Variants in DAB2 observed in about 807,000 individuals in gnomAD.
The protein encoded by DAB2 is disabled homolog 2.
In DAB2, 28 loss-of-function variants were observed where a neutral mutation model predicts 71.6. The observed-to-expected ratio is 0.39, with a 90% confidence interval of 0.29 to 0.54. The LOEUF is 0.54. Ranked by LOEUF, DAB2 falls within the 20% of genes least tolerant of loss-of-function variation. DAB2 has a pLI of 0.68. For missense variants in DAB2, 867 were observed against 928.8 expected (o/e 0.93, Z 0.86); for synonymous variants, 345 against 339.7 (o/e 1.02, Z -0.17).
In DAB2 at chr5:39,383,073, G is replaced by A. The variant is rs79344176; in HGVS notation, c.886C>T (p.Arg296Cys). Reference sequence around the variant, plus strand: ...TCTGGCTGTGTGAAAGGATCGTCACGGAAAGGATCAGGATTAGGGGTGGGA... The same window carrying A: ...TCTGGCTGTGTGAAAGGATCGTCACAGAAAGGATCAGGATTAGGGGTGGGA... ...FFPTPNPDPF[R>C]DDPFTQPDQS... is the part of the protein sequence containing the mutation. Residue 296 changes from arginine to cysteine, a missense_variant, in exon 10 of 15, where the codon CGT becomes TGT. Transcript: ENST00000320816. 1.4e-3 allele frequency: 2,188 copies of A among 1,614,080 alleles called. 23 individuals are homozygous for A. The African/African-American group carries it at 0.018, about 13-fold the overall frequency.
At chr5:39,382,497 A>C in intron 10 of DAB2, 121 bp downstream of exon 10, 4 of 1,120,226 alleles carry the variant, frequency 3.6e-6, no homozygotes, top group Non-Finnish European at 5.1e-6. Context: ...GCCTTATCCC[A>C]CCTTCTATTT....
At chr5:39,396,192 C>T (rs1342060983) in intron 1 of DAB2, among the ~76,000 whole-genome samples, 2 of 152,028 alleles carry the variant, frequency 1.3e-5, no homozygotes. Flanking sequence ...TGTGATCCGC[C>T]TGACTCAGCC....
At position 39,383,183 on chromosome 5, in the gene DAB2, C is replaced by T. The variant is rs1264696608; in HGVS notation, c.776G>A (p.Gly259Asp). ...SLRENPFLTNGITSCSLPRPT... is the reference protein window; with the variant it reads ...SLRENPFLTNDITSCSLPRPT... ...TCGAGGAAGAGAACAGGAGGTGATGCCGTTTGTTAAGAATGGATTTTCTCT... is the reference window on the plus strand; with the variant it reads ...TCGAGGAAGAGAACAGGAGGTGATGTCGTTTGTTAAGAATGGATTTTCTCT... Residue 259 changes from glycine to aspartate, a missense_variant, in exon 10 of 15, where the codon GGC (glycine) becomes GAC (aspartate). Physicochemically the swap from Gly to Asp is moderately conservative, Grantham distance 94 (BLOSUM62 -1). This residue lies in a region of DAB2 where 740 missense variants were observed against 734.3 expected (regional missense o/e 1.01). Transcript: ENST00000320816. 2 of 1,613,870 alleles carry T rather than the reference C, an allele frequency of 1.2e-6. No homozygotes were observed. The highest frequency in any genetic ancestry group is 3.3e-5 in the Admixed American group (2 of 59,988).
chr5:39,391,865 G>A (rs919286789), intron 4 of DAB2, among the ~76,000 whole-genome samples: 1 of 151,420 alleles, frequency 6.6e-6, no homozygotes, highest in African/African-American at 2.4e-5. Flanking sequence ...TTATGGGTGA[G>A]GTTCTAGCTT....
intron 12 of DAB2, 36 bp from the exon 13 acceptor site, chr5:39,376,142 G>T (rs766964386): frequency 6.5e-7 from 1 of 1,544,430 alleles, no homozygotes; most frequent in South Asian, 1.1e-5. Flanking sequence ...CAGTAGACAA[G>T]CTTTCCCCAA....
In DAB2 at chr5:39,385,632, A is replaced by G. The variant is rs1212051090; in HGVS notation, c.688-2361T>C. On this transcript the variant is annotated intron_variant, in intron 9 of 14. Coordinates refer to ENST00000320816, the MANE Select transcript of DAB2 (RefSeq NM_001343.4). ...CACCTGAGCCGCACGCACTGGAGAC[A>G]CGGCAGTGCGTTACAGAACCTGCTC... is the stretch of plus-strand genomic sequence containing the variant. 2.6e-5 allele frequency among the ~76,000 whole-genome samples: 4 copies of G among 152,176 alleles called. No individual in the cohort carries two copies. In the East Asian group the frequency reaches 7.7e-4, roughly 29 times the overall value.
At chr5:39,412,244 T>C (rs531978607) in intron 1 of DAB2, among the ~76,000 whole-genome samples, 1 of 152,194 alleles carries the variant, frequency 6.6e-6, no homozygotes, top group African/African-American at 2.4e-5. Flanking sequence ...TGTGAAACCA[T>C]GATTATGACA....
At chr5:39,378,565 C>T (rs990863973) in intron 11 of DAB2, among the ~76,000 whole-genome samples, 26 of 152,204 alleles carry the variant, frequency 1.7e-4, no homozygotes, top group Non-Finnish European at 7.3e-5. Context: ...TTACCTGACT[C>T]CATTCTCATC....
Position 39,381,489 on chromosome 5 carries a change from C to G in DAB2, c.1469G>C (p.Ser490Thr). ...QPNPLDLFKT[S>T]APAPVGPLVG... ...CAGGGGCCCCACTGGGGCAGGAGCA[C>G]TTGTTTTGAAGAGATCCAGAGGGTT... is the stretch of plus-strand genomic sequence containing the variant. The change falls in exon 11 of 15, where the codon AGT becomes ACT. Residue 490 changes from serine (S) to threonine (T), a missense_variant. By Grantham distance (58) the Ser-to-Thr change is moderately conservative (BLOSUM62 1). This residue lies in a region of DAB2 where 740 missense variants were observed against 734.3 expected (regional missense o/e 1.01). Transcript: ENST00000320816. 7 of 1,614,046 alleles carry G rather than the reference C, an allele frequency of 4.3e-6. No homozygotes were observed. Among genetic ancestry groups the G allele is most frequent in the Non-Finnish European group, 5.9e-6 (7 of 1,179,962 alleles).
intron 11 of DAB2, among the ~76,000 whole-genome samples, chr5:39,379,964 T>C (rs575088694): frequency 1.3e-5 from 2 of 152,222 alleles, no homozygotes; most frequent in Non-Finnish European, 1.5e-5. Context: ...TAAACAGTTA[T>C]AGGGTCCAGC....
intron 10 of DAB2, among the ~76,000 whole-genome samples, chr5:39,381,920 T>TG (rs1754989364): frequency 6.6e-6 from 1 of 152,148 alleles, no homozygotes; most frequent in Non-Finnish European, 1.5e-5. Context: ...TGCTTGAAGT[T>TG]GGGGGAGCAA....
At chr5:39,389,435 T>C (rs1337650465) in intron 6 of DAB2, among the ~76,000 whole-genome samples, 1 of 152,192 alleles carries the variant, frequency 6.6e-6, no homozygotes, top group Non-Finnish European at 1.5e-5. Context: ...TTGGGAAGAA[T>C]AGACAATACA....
intron 9 of DAB2, chr5:39,385,390 C>G (rs1328954165): frequency 6.6e-6 from 1 of 152,108 alleles, no homozygotes; most frequent in Non-Finnish European, 1.5e-5. Flanking sequence ...CTTAGGACAC[C>G]AAACAGGAGC....
In DAB2 at chr5:39,382,741, C is replaced by G; in HGVS notation, c.1218G>C (p.Leu406=). 6.2e-7 allele frequency: 1 copy of G among 1,614,140 alleles called. No individual in the cohort carries two copies. Among genetic ancestry groups the G allele is most frequent in the Non-Finnish European group, 8.5e-7 (1 of 1,180,034 alleles). Residue 406 remains leucine, a synonymous_variant, in exon 10 of 15, where the codon CTG becomes CTC. Coordinates refer to ENST00000320816, the MANE Select transcript of DAB2 (RefSeq NM_001343.4). ...CCTGCTTTACGCCATTCTGTATGGA[C>G]AGTCCTTTGGGAGGGCTTCCCACAA... The part of the protein sequence containing the change: ...NPFVGSPPKG[L]SIQNGVKQDL...
intron 13 of DAB2, 111 bp downstream of exon 13, chr5:39,375,885 TA>T: frequency 1.2e-6 from 1 of 841,632 alleles, no homozygotes; most frequent in Non-Finnish European, 1.9e-6. Context: ...GACTCTGTCT[TA>T]AAAAAATAAA....
chr5:39,389,439 C>A, intron 6 of DAB2, among the ~76,000 whole-genome samples: 1 of 152,090 alleles, frequency 6.6e-6, no homozygotes, highest in East Asian at 1.9e-4. Flanking sequence ...GAAGAATAGA[C>A]AATACATATA....
At chr5:39,376,624 A>G in intron 12 of DAB2, 26 bp downstream of exon 12, 1 of 1,607,708 alleles carries the variant, frequency 6.2e-7, no homozygotes, top group East Asian at 2.2e-5. Context: ...TTGTTGGAAC[A>G]GTAGGCAGAG....
intron 1 of DAB2, among the ~76,000 whole-genome samples, chr5:39,411,080 A>G (rs572686926): frequency 2.0e-5 from 3 of 152,172 alleles, no homozygotes; most frequent in South Asian, 2.1e-4. Context: ...CTTTAAGTTA[A>G]CTAATCATGG....
intron 9 of DAB2, 126 bp from the exon 10 acceptor site, chr5:39,383,397 G>C: frequency 1.3e-6 from 1 of 747,186 alleles, no homozygotes; most frequent in East Asian, 2.6e-5. Context: ...TAAATCGGTT[G>C]ATCATTACCT....
Sources: gnomAD v4.1 joint callset for allele counts (sites outside exome capture counted in the v4.1 genomes callset) on GRCh38, gnomAD v4.1.1 for gene constraint, gnomAD v4.1.1 regional missense constraint, MANE v1.5 for transcripts, NCBI Gene and HGNC (gene_info 2026-07-23, HGNC 2026-07-21) for gene names.